Variants in ZNF470 observed in about 807,000 individuals in gnomAD.
ZNF470 encodes zinc finger protein 470, also known as chondrogenesis zinc finger protein 1.
A neutral mutation model predicts 13.9 loss-of-function variants in ZNF470; 13 were observed. The ratio of observed to expected loss-of-function variants is 0.94; its 90% CI spans 0.61 to 1.49. ZNF470 has a LOEUF of 1.49. ZNF470 is among the 40% of genes most tolerant of loss of function. The pLI is 0.00. For missense variants in ZNF470, 929 were observed against 857.3 expected, an observed-to-expected ratio of 1.08 and a Z score of -1.04; for synonymous variants, 293 against 282.9, an observed-to-expected ratio of 1.04 and a Z score of -0.36.
Position 56,579,247 on chromosome 19 carries a change from C to T in ZNF470, c.*664C>T. 5.5e-6 allele frequency: 4 copies of T among 721,694 alleles called. No homozygotes were observed. The highest frequency in any genetic ancestry group is 6.8e-6 in the Non-Finnish European group (4 of 589,682). 44.7% of individuals were successfully genotyped at this position (721,694 alleles called of 1,614,324 possible). A position where few individuals can be genotyped will look rare whatever the true frequency, so the allele number is the denominator to read the frequency against. ...GACCAACCTGAGCAACATGGTGAAACCCTGTCTCTACAAAAAATACAGAAA... is the reference window on the plus strand; with the variant it reads ...GACCAACCTGAGCAACATGGTGAAATCCTGTCTCTACAAAAAATACAGAAA... On this transcript the variant is annotated 3_prime_UTR_variant, in exon 6 of 6. Coordinates refer to ENST00000330619, the MANE Select transcript of ZNF470 (RefSeq NM_001001668.4).
Position 56,582,591 on chromosome 19 carries a change from T to C in ZNF470, c.*4008T>C. The stretch of plus-strand genomic sequence containing the variant: ...CCTCTACCACCACCAAATTTACTTG[T>C]TGAAGTCCTAAACCCCAACATGACT... On this transcript the variant is annotated 3_prime_UTR_variant, in exon 6 of 6. Coordinates refer to ENST00000330619, the MANE Select transcript of ZNF470 (RefSeq NM_001001668.4). The C allele has an allele frequency of 5.1e-6, 5 of 985,266 alleles. No individual in the cohort carries two copies. The highest frequency in any genetic ancestry group is 6.0e-6 in the Non-Finnish European group (5 of 829,782). The allele number at this position is 985,266 out of a possible 1,614,324, so 61.0% of individuals were successfully genotyped here.
chr19:56,570,160 G>A (rs896075301), intron 2 of ZNF470, 120 bp from the exon 3 acceptor site: 2 of 667,420 alleles, frequency 3.0e-6, no homozygotes, highest in African/African-American at 3.6e-5. Flanking sequence ...CAGGACTGTG[G>A]GGTGGGGGAG....
In ZNF470 at chr19:56,578,887, T is replaced by C; in HGVS notation, c.*304T>C. ...GCTAAATAAATGCTAGCCATTAAGG[T>C]AAAGGTTTCCTTACAAACTATCATA... On this transcript the variant is annotated 3_prime_UTR_variant, in exon 6 of 6. Transcript: ENST00000330619. 2 of 1,079,366 alleles carry C rather than the reference T, an allele frequency of 1.9e-6. No homozygotes were observed. Among genetic ancestry groups the C allele is most frequent in the Non-Finnish European group, 2.2e-6 (2 of 891,384 alleles). The allele number at this position is 1,079,366 out of a possible 1,614,324, so 66.9% of individuals were successfully genotyped here.
At position 56,567,740 on chromosome 19, in the gene ZNF470, C is replaced by G. The variant is rs975733468; in HGVS notation, c.-457C>G. On this transcript the variant is annotated 5_prime_UTR_variant, in exon 1 of 6. In the 5' UTR this introduces an upstream ATG that the reference lacks. Coordinates refer to ENST00000330619, the MANE Select transcript of ZNF470 (RefSeq NM_001001668.4). ...GACTGTCCGGTGCGTGGCCGCGAAT[C>G]TGCGCCTGCGTGCATGGCCCGGCGG... is the stretch of plus-strand genomic sequence containing the variant. 1.0e-6 allele frequency: 1 copy of G among 987,980 alleles called. No homozygotes were observed. Among genetic ancestry groups the G allele is most frequent in the Non-Finnish European group, 1.2e-6 (1 of 831,918 alleles). The allele number at this position is 987,980 out of a possible 1,614,324, so 61.2% of individuals were successfully genotyped here.
In ZNF470 at chr19:56,579,520, T is replaced by G; in HGVS notation, c.*937T>G. ...AACAAGCCAAAAAAACTTGAATAGA[T>G]TAATAGCCATGAAACACTGAAAAGG... On this transcript the variant is annotated 3_prime_UTR_variant, in exon 6 of 6. Coordinates refer to ENST00000330619, the MANE Select transcript of ZNF470 (RefSeq NM_001001668.4). 1.0e-6 allele frequency: 1 copy of G among 985,296 alleles called. No individual in the cohort carries two copies. The highest frequency in any genetic ancestry group is 1.2e-6 in the Non-Finnish European group (1 of 829,864). 61.0% of individuals were successfully genotyped at this position (985,296 alleles called of 1,614,324 possible).
In ZNF470 at chr19:56,578,639, A is replaced by G; in HGVS notation, c.*56A>G. The G allele has an allele frequency of 7.0e-7, 1 of 1,424,726 alleles. No individual in the cohort carries two copies. The allele number at this position is 1,424,726 out of a possible 1,614,324, so 88.3% of individuals were successfully genotyped here. ...TCTGCTTTTTTCCAGCACATGTCCC[A>G]TCATCATAGTCCAAGACGCAACCAT... On this transcript the variant is annotated 3_prime_UTR_variant, in exon 6 of 6. Coordinates refer to ENST00000330619, the MANE Select transcript of ZNF470 (RefSeq NM_001001668.4).
rs1230909822 is a variant in ZNF470 at position 56,577,335 on chromosome 19, C to A, written c.906C>A (p.His302Gln). The part of the protein sequence containing the change: ...AFSQNAHLVQ[H>Q]QRVHTGEKPY... ...GCCAGAATGCTCATCTTGTTCAACA[C>A]CAGAGAGTTCATACTGGAGAGAAAC... Residue 302 changes from histidine (H) to glutamine (Q), a missense_variant, in exon 6 of 6, where the codon CAC becomes CAA. By Grantham distance (24) the His-to-Gln change is conservative. Transcript: ENST00000330619. 1.2e-6 allele frequency: 2 copies of A among 1,613,500 alleles called. No homozygotes were observed. The highest frequency in any genetic ancestry group is 2.7e-5 in the African/African-American group (2 of 74,824).
At position 56,576,912 on chromosome 19, in the gene ZNF470, C is replaced by A; in HGVS notation, c.483C>A (p.Ile161=). 6.3e-7 allele frequency: 1 copy of A among 1,575,290 alleles called. No homozygotes were observed. The highest frequency in any genetic ancestry group is 8.6e-7 in the Non-Finnish European group (1 of 1,167,052). The change falls in exon 6 of 6, where the codon ATC becomes ATA. Residue 161 remains isoleucine, a synonymous_variant. Coordinates refer to ENST00000330619, the MANE Select transcript of ZNF470 (RefSeq NM_001001668.4). ...AGACACATTTTAGGCAAGAGACCAT[C>A]ACTCATATAGATACTCTTATTGAAA... The part of the protein sequence containing the change: ...NQKTHFRQET[I]THIDTLIEKR...
rs2044531941 is a variant in ZNF470, at chr19:56,581,071, ACAT to A, written c.*2492_*2494del. 2 of 984,802 alleles carry A rather than the reference ACAT, an allele frequency of 2.0e-6. No homozygotes were observed. Among genetic ancestry groups the A allele is most frequent in the Non-Finnish European group, 1.2e-6 (1 of 829,342 alleles). The allele number at this position is 984,802 out of a possible 1,614,324, so 61.0% of individuals were successfully genotyped here. Reference sequence around the variant, plus strand: ...ACATTAGGCTTTTATATGGTGGAAAACATCATAGTCAATAGATAAATGAGAGAC... The same window carrying A: ...ACATTAGGCTTTTATATGGTGGAAAACATAGTCAATAGATAAATGAGAGAC... On this transcript the variant is annotated 3_prime_UTR_variant, in exon 6 of 6. Coordinates refer to ENST00000330619, the MANE Select transcript of ZNF470 (RefSeq NM_001001668.4).
chr19:56,577,000 CAG>C lies in ZNF470; in HGVS notation c.573_574del (p.Gln191HisfsTer10), dbSNP rs1303831709. 6.3e-7 allele frequency: 1 copy of C among 1,585,448 alleles called. No individual in the cohort carries two copies. Among genetic ancestry groups the C allele is most frequent in the Non-Finnish European group, 8.5e-7 (1 of 1,171,210 alleles). ...TCTGAATACATTATCTTATATAAAACAGATTTTTCCCATGGAAGAGAGAATAT... is the reference window on the plus strand; with the variant it reads ...TCTGAATACATTATCTTATATAAAACATTTTTCCCATGGAAGAGAGAATAT... ...FHLNTLSYIK[Q>X]IFPMEERIFN... On this transcript the variant is annotated frameshift_variant, in exon 6 of 6. Transcript: ENST00000330619. LOFTEE classifies it low-confidence loss of function (END_TRUNC).
At position 56,578,875 on chromosome 19, in the gene ZNF470, T is replaced by C. The variant is rs1170692650; in HGVS notation, c.*292T>C. On this transcript the variant is annotated 3_prime_UTR_variant, in exon 6 of 6. Transcript: ENST00000330619. ...CATATAGTTATTGCTAAATAAATGC[T>C]AGCCATTAAGGTAAAGGTTTCCTTA... 3 of 1,102,134 alleles carry C rather than the reference T, an allele frequency of 2.7e-6. No individual in the cohort carries two copies. Among genetic ancestry groups the C allele is most frequent in the Non-Finnish European group, 3.3e-6 (3 of 905,824 alleles). 68.3% of individuals were successfully genotyped at this position (1,102,134 alleles called of 1,614,324 possible). A position where few individuals can be genotyped will look rare whatever the true frequency, so the allele number is the denominator to read the frequency against.
chr19:56,578,417 A>G lies in ZNF470; in HGVS notation c.1988A>G (p.His663Arg), dbSNP rs757057562. The G allele has an allele frequency of 2.5e-6, 4 of 1,611,062 alleles. No individual in the cohort carries two copies. Among genetic ancestry groups the G allele is most frequent in the Non-Finnish European group, 3.4e-6 (4 of 1,178,482 alleles). The change falls in exon 6 of 6, where the codon CAT becomes CGT. Residue 663 changes from histidine (H) to arginine (R), a missense_variant. By Grantham distance (29) the His-to-Arg change is conservative. Coordinates refer to ENST00000330619, the MANE Select transcript of ZNF470 (RefSeq NM_001001668.4). ...ECSKAFSQVA[H>R]LTLHKRIHTG... ...AGCAAAGCCTTCAGCCAGGTTGCCC[A>G]TCTTACTCTACATAAGAGAATTCAT...
In ZNF470 at chr19:56,579,540, A is replaced by C. The variant is rs2044519760; in HGVS notation, c.*957A>C. On this transcript the variant is annotated 3_prime_UTR_variant, in exon 6 of 6. Coordinates refer to ENST00000330619, the MANE Select transcript of ZNF470 (RefSeq NM_001001668.4). ...ATAGATTAATAGCCATGAAACACTG[A>C]AAAGGGTAGTTCAATACTTTGGCCT... The C allele has an allele frequency of 1.0e-6, 1 of 985,334 alleles. No individual in the cohort carries two copies. Among genetic ancestry groups the C allele is most frequent in the African/African-American group, 1.7e-5 (1 of 57,244 alleles). 61.0% of individuals were successfully genotyped at this position (985,334 alleles called of 1,614,324 possible).
At position 56,580,293 on chromosome 19, in the gene ZNF470, A is replaced by G. The variant is rs536188369; in HGVS notation, c.*1710A>G. On this transcript the variant is annotated 3_prime_UTR_variant, in exon 6 of 6. Coordinates refer to ENST00000330619, the MANE Select transcript of ZNF470 (RefSeq NM_001001668.4). Reference sequence around the variant, plus strand: ...GGAGGAAGGGAGGATTGATGGTTTAACAGAGATCATGGCAGTTATGTTCAC... The same window carrying G: ...GGAGGAAGGGAGGATTGATGGTTTAGCAGAGATCATGGCAGTTATGTTCAC... 4.3e-5 allele frequency: 17 copies of G among 393,838 alleles called. No homozygotes were observed. The South Asian group carries it at 1.7e-3, about 39-fold the overall frequency. 24.4% of individuals were successfully genotyped at this position (393,838 alleles called of 1,614,324 possible).
chr19:56,580,585 C>G lies in ZNF470; in HGVS notation c.*2002C>G, dbSNP rs1454674943. The G allele has an allele frequency of 7.3e-6, 1 of 137,190 alleles. No individual in the cohort carries two copies. The highest frequency in any genetic ancestry group is 7.7e-5 in the Admixed American group (1 of 13,014). 8.5% of individuals were successfully genotyped at this position (137,190 alleles called of 1,614,324 possible). On this transcript the variant is annotated 3_prime_UTR_variant, in exon 6 of 6. Coordinates refer to ENST00000330619, the MANE Select transcript of ZNF470 (RefSeq NM_001001668.4). ...CTTGTCCTTTTGTAGTTATGGCCATCCCTGGAAGAGTACTTTTTTTTTTTT... is the reference window on the plus strand; with the variant it reads ...CTTGTCCTTTTGTAGTTATGGCCATGCCTGGAAGAGTACTTTTTTTTTTTT...
Position 56,567,663 on chromosome 19 carries a change from G to A in ZNF470, c.-534G>A, listed in dbSNP as rs1043796810. ...GAGTGCCCATACGTGGTGAGCGTGC[G>A]GTGCTGTGCTGAGGAGGGGCGAGCG... On this transcript the variant is annotated 5_prime_UTR_variant, in exon 1 of 6. Transcript: ENST00000330619. The A allele has an allele frequency of 3.5e-5, 35 of 987,102 alleles. No individual in the cohort carries two copies. The highest frequency in any genetic ancestry group is 3.5e-5 in the African/African-American group (2 of 57,252). 61.1% of individuals were successfully genotyped at this position (987,102 alleles called of 1,614,324 possible). A position where few individuals can be genotyped will look rare whatever the true frequency, so the allele number is the denominator to read the frequency against.
chr19:56,576,652 C>A (rs891617118), intron 5 of ZNF470, 61 bp from the exon 6 acceptor site: 32 of 1,324,450 alleles, frequency 2.4e-5, no homozygotes, highest in East Asian at 2.6e-5. Flanking sequence ...TTTTCATTTT[C>A]GAAATTTCCA....
rs1243347721 is a variant in ZNF470, at chr19:56,577,623, C to G, written c.1194C>G (p.Asp398Glu). The G allele has an allele frequency of 1.2e-6, 2 of 1,613,642 alleles. No homozygotes were observed. The highest frequency in any genetic ancestry group is 1.1e-5 in the South Asian group (1 of 91,048). Residue 398 changes from aspartate to glutamate, a missense_variant, in exon 6 of 6, where the codon GAC (aspartate) becomes GAG (glutamate). Physicochemically the swap from Asp to Glu is conservative, Grantham distance 45. Coordinates refer to ENST00000330619, the MANE Select transcript of ZNF470 (RefSeq NM_001001668.4). ...ATCATACTGGAGAGAAACCCTTTGA[C>G]TGTATTGATTGTGGGAAGGCTTTCA... ...RYYHTGEKPF[D>E]CIDCGKAFTD...
Position 56,577,841 on chromosome 19 carries a change from A to G in ZNF470, c.1412A>G (p.His471Arg), listed in dbSNP as rs150408042. 3.1e-6 allele frequency: 5 copies of G among 1,613,816 alleles called. No homozygotes were observed. In the African/African-American group the frequency reaches 5.3e-5, roughly 17 times the overall value. ...AFSHRGSLTL[H>R]QRVHTGEKPY... is the part of the protein sequence containing the mutation. ...AGCCATCGTGGGTCTCTTACTCTTCATCAGAGAGTTCATACTGGAGAGAAA... is the reference window on the plus strand; with the variant it reads ...AGCCATCGTGGGTCTCTTACTCTTCGTCAGAGAGTTCATACTGGAGAGAAA... The change falls in exon 6 of 6, where the codon CAT becomes CGT. Residue 471 changes from histidine to arginine, a missense_variant. Transcript: ENST00000330619.
Sources: allele counts gnomAD v4.1 joint callset, GRCh38; gene constraint gnomAD v4.1.1; transcripts MANE v1.5; gene names NCBI Gene and HGNC (gene_info 2026-07-23, HGNC 2026-07-21).